The following SFMBT2 variants were observed in gnomAD, a reference collection of about 807,000 sequenced individuals.
The protein encoded by SFMBT2 is scm-like with four MBT domains protein 2.
SFMBT2 carries 38 observed loss-of-function variants against 110.1 expected under a neutral mutation model. The observed-to-expected ratio is 0.35, with a 90% CI of 0.27 to 0.45. The LOEUF is 0.45. Among genes scored for constraint, SFMBT2 ranks in the 20% least tolerant of loss-of-function variants. SFMBT2 has a pLI of 1.00. For missense variants in SFMBT2, 1,011 were observed against 1,094.9 expected (o/e 0.92, Z 1.08); for synonymous variants, 425 against 425.4 (o/e 1.00, Z 0.01).
At chr10:7,355,600 C>T (rs1175714645) in intron 4 of SFMBT2, among the ~76,000 whole-genome samples, 2 of 152,182 alleles carry the variant, frequency 1.3e-5, no homozygotes, top group Admixed American at 1.3e-4. Context: ...ATCACAAGAT[C>T]AGGAGTTCAA....
At chr10:7,327,419 C>A (rs1017676364) in intron 4 of SFMBT2, among the ~76,000 whole-genome samples, 6 of 152,018 alleles carry the variant, frequency 3.9e-5, no homozygotes, top group African/African-American at 1.4e-4. Flanking sequence ...TAAAGTTTTG[C>A]CCTGTAATCC....
At position 7,398,574 on chromosome 10, in the gene SFMBT2, T is replaced by A. The variant is rs1327631559; in HGVS notation, c.-52+12287A>T. 2.0e-5 allele frequency among the ~76,000 whole-genome samples: 3 copies of A among 152,176 alleles called. No homozygotes were observed. In the East Asian group the frequency reaches 5.8e-4, roughly 29 times the overall value. ...TCCTTAGCTAAGCAGAAGACTGAGTTTGGTCAAAGGGCCTTTTTTTTTATT... is the reference window on the plus strand; with the variant it reads ...TCCTTAGCTAAGCAGAAGACTGAGTATGGTCAAAGGGCCTTTTTTTTTATT... On this transcript the variant is annotated intron_variant, in intron 1 of 20. Transcript: ENST00000397167.
At chr10:7,392,335 A>G (rs1845791731) in intron 1 of SFMBT2, among the ~76,000 whole-genome samples, 2 of 152,160 alleles carry the variant, frequency 1.3e-5, no homozygotes. Flanking sequence ...GGCAACATGC[A>G]GAAACTCAGT....
At chr10:7,195,987 T>A (rs1044462106) in intron 15 of SFMBT2, among the ~76,000 whole-genome samples, 2 of 152,178 alleles carry the variant, frequency 1.3e-5, no homozygotes, top group Non-Finnish European at 2.9e-5. Context: ...GATGTTTTTT[T>A]AAATAAAAAG....
intron 6 of SFMBT2, among the ~76,000 whole-genome samples, chr10:7,281,813 A>G (rs1473377068): frequency 6.6e-6 from 1 of 152,046 alleles, no homozygotes; most frequent in Admixed American, 6.6e-5. Context: ...CGGGGAAGTA[A>G]GTTCTTGATG....
intron 16 of SFMBT2, among the ~76,000 whole-genome samples, chr10:7,180,942 C>T (rs761264975): frequency 1.4e-4 from 21 of 152,162 alleles, no homozygotes; most frequent in Non-Finnish European, 2.2e-4. Context: ...AGCCTACGTT[C>T]CACCACAAGC....
At position 7,306,189 on chromosome 10, in the gene SFMBT2, A is replaced by T. The variant is rs574483122; in HGVS notation, c.437-20235T>A. ...TGACAAGTGTGTGGAGTCAGTCTTC[A>T]GTTAGAGGCACACACAGAGTGCTCT... On this transcript the variant is annotated intron_variant, in intron 4 of 20. Coordinates refer to ENST00000397167, the MANE Select transcript of SFMBT2 (RefSeq NM_001387889.1). Among the ~76,000 whole-genome samples the T allele has an allele frequency of 2.6e-5, 4 of 152,358 alleles. No individual in the cohort carries two copies. The South Asian group carries it at 8.3e-4, about 32-fold the overall frequency.
At chr10:7,175,405 A>G (rs1238574773) in intron 17 of SFMBT2, among the ~76,000 whole-genome samples, 1 of 152,194 alleles carries the variant, frequency 6.6e-6, no homozygotes, top group Non-Finnish European at 1.5e-5. Flanking sequence ...AAGGTAGGAG[A>G]GTGGGGACAG....
At chr10:7,388,896 T>A (rs1845693731) in intron 1 of SFMBT2, among the ~76,000 whole-genome samples, 1 of 151,916 alleles carries the variant, frequency 6.6e-6, no homozygotes, top group South Asian at 2.1e-4. Context: ...GAAAAAGCAC[T>A]CAGGGAGCCA....
chr10:7,183,223 A>G (rs1482508234), intron 16 of SFMBT2, among the ~76,000 whole-genome samples: 1 of 152,214 alleles, frequency 6.6e-6, no homozygotes, highest in Non-Finnish European at 1.5e-5. Context: ...GAGGTCCAGG[A>G]AGGAGAGCTT....
At chr10:7,241,247 T>C (rs1840422124) in intron 9 of SFMBT2, 2 of 781,868 alleles carry the variant, frequency 2.6e-6, no homozygotes, top group South Asian at 1.2e-4. Context: ...CCTATATAAA[T>C]TACCCAGTCT....
chr10:7,277,052 C>G (rs1361630603), intron 6 of SFMBT2, 63 bp from the exon 7 acceptor site: 5 of 802,364 alleles, frequency 6.2e-6, no homozygotes, highest in Non-Finnish European at 1.1e-5. Context: ...GTGACTCTTT[C>G]CTGCATGCTA....
intron 12 of SFMBT2, chr10:7,202,963 T>C (rs1660393819): frequency 3.0e-6 from 3 of 985,424 alleles, no homozygotes; most frequent in Non-Finnish European, 2.4e-6. Context: ...AACTAAAACA[T>C]GTTATTCACA....
intron 6 of SFMBT2, among the ~76,000 whole-genome samples, chr10:7,283,358 C>T (rs1233572797): frequency 5.3e-5 from 8 of 152,152 alleles, no homozygotes; most frequent in Non-Finnish European, 1.2e-4. Flanking sequence ...TCTATCTACT[C>T]AATGCTGCTT....
At chr10:7,227,065 T>C (rs911922540) in intron 10 of SFMBT2, among the ~76,000 whole-genome samples, 3 of 152,182 alleles carry the variant, frequency 2.0e-5, no homozygotes, top group Non-Finnish European at 2.9e-5. Flanking sequence ...CACACACTCA[T>C]TGCCACTTTA....
chr10:7,259,784 C>T (rs1334791417), intron 7 of SFMBT2, among the ~76,000 whole-genome samples: 1 of 152,226 alleles, frequency 6.6e-6, no homozygotes, highest in African/African-American at 2.4e-5. Flanking sequence ...ACCCACCCTT[C>T]AGCCCCTTGG....
rs762082626 is a variant in SFMBT2 at position 7,188,724 on chromosome 10, T to C, written c.1708A>G (p.Met570Val). Residue 570 changes from methionine to valine, a missense_variant, in exon 16 of 21, where the codon ATG (methionine) becomes GTG (valine). Physicochemically the swap from Met to Val is conservative, Grantham distance 21. Coordinates refer to ENST00000397167, the MANE Select transcript of SFMBT2 (RefSeq NM_001387889.1). ...GGCTTGTAGGCTGCGTTGATTATCATGCTAAGAACCTTTTGGGGAAAAAAA... is the reference window on the plus strand; with the variant it reads ...GGCTTGTAGGCTGCGTTGATTATCACGCTAAGAACCTTTTGGGGAAAAAAA... ...CVLVLKEVLSMIINAAYKPGR... is the reference protein window; with the variant it reads ...CVLVLKEVLSVIINAAYKPGR... 5 of 1,611,520 alleles carry C rather than the reference T, an allele frequency of 3.1e-6. No homozygotes were observed. In the South Asian group the frequency reaches 3.3e-5, roughly 11 times the overall value.
At chr10:7,328,545 T>A (rs1156270252) in intron 4 of SFMBT2, among the ~76,000 whole-genome samples, 1 of 152,234 alleles carries the variant, frequency 6.6e-6, no homozygotes, top group African/African-American at 2.4e-5. Flanking sequence ...AACCCACAAA[T>A]CCCATGTCCT....
chr10:7,191,171 C>T (rs1237089799), intron 15 of SFMBT2, among the ~76,000 whole-genome samples: 1 of 152,094 alleles, frequency 6.6e-6, no homozygotes, highest in Non-Finnish European at 1.5e-5. Context: ...CACATTCCCC[C>T]ACCTCATTTC....
Sources: gnomAD v4.1 joint callset for allele counts (sites outside exome capture counted in the v4.1 genomes callset) on GRCh38, gnomAD v4.1.1 for gene constraint, MANE v1.5 for transcripts, NCBI Gene and HGNC (gene_info 2026-07-23, HGNC 2026-07-21) for gene names.